Variants in AGBL4 observed in about 807,000 individuals in gnomAD.
AGBL4 encodes AGBL carboxypeptidase 4.
In AGBL4, 58 loss-of-function variants were observed where a neutral mutation model predicts 66.4. The ratio of observed to expected loss-of-function variants is 0.87; its 90% CI spans 0.71 to 1.09. The LOEUF (loss-of-function observed/expected upper bound fraction) is 1.09. Ranked by LOEUF, AGBL4 falls within the 50% of genes least tolerant of loss-of-function variation. The pLI, the probability that AGBL4 is intolerant of heterozygous loss-of-function variation, is 0.00. For missense variants in AGBL4, 579 were observed against 631.0 expected (o/e 0.92, Z 0.88); for synonymous variants, 234 against 222.9 (o/e 1.05, Z -0.44).
At chr1:48,744,973 CTTGATTGT>C (rs1650506661) in intron 6 of AGBL4, among the ~76,000 whole-genome samples, 1 of 143,504 alleles carries the variant, frequency 7.0e-6, no homozygotes, top group South Asian at 2.3e-4. Flanking sequence ...CTTTGTGAGG[CTTGATTGT>C]CATCACTCCC....
chr1:49,383,052 C>G (rs1401628564), intron 3 of AGBL4, among the ~76,000 whole-genome samples: 5 of 152,022 alleles, frequency 3.3e-5, no homozygotes, highest in Non-Finnish European at 5.9e-5. Flanking sequence ...TTTACAGTAG[C>G]AACATAAATA....
intron 1 of AGBL4, among the ~76,000 whole-genome samples, chr1:49,951,159 G>A (rs1366995644): frequency 6.6e-6 from 1 of 151,706 alleles, no homozygotes; most frequent in East Asian, 1.9e-4. Context: ...TGTACAGCAC[G>A]GTGACTATAG....
chr1:49,563,792 C>T (rs950070734), intron 3 of AGBL4, among the ~76,000 whole-genome samples: 3 of 151,818 alleles, frequency 2.0e-5, no homozygotes, highest in Non-Finnish European at 4.4e-5. Context: ...TGTCTTTGCC[C>T]GGCTTTGGTA....
chr1:48,839,324 C>T (rs942745827), intron 6 of AGBL4, among the ~76,000 whole-genome samples: 4 of 152,012 alleles, frequency 2.6e-5, no homozygotes, highest in Admixed American at 1.3e-4. Context: ...GGTGTGTGTG[C>T]ATATACATAA....
intron 3 of AGBL4, among the ~76,000 whole-genome samples, chr1:49,631,346 A>G (rs745962854): frequency 1.3e-5 from 2 of 152,130 alleles, no homozygotes; most frequent in Non-Finnish European, 2.9e-5. Flanking sequence ...GTCTCACTGG[A>G]TCTCACACTT....
chr1:48,922,308 T>C (rs959585561), intron 5 of AGBL4, among the ~76,000 whole-genome samples: 20 of 152,338 alleles, frequency 1.3e-4, no homozygotes, highest in South Asian at 2.1e-4. Context: ...ATAACGGCTT[T>C]GGCAACTGCA....
intron 4 of AGBL4, among the ~76,000 whole-genome samples, chr1:49,109,486 C>T (rs1645363422): frequency 6.6e-6 from 1 of 152,188 alleles, no homozygotes; most frequent in African/African-American, 2.4e-5. Flanking sequence ...TCACCTTCTC[C>T]GTCCTTCCTT....
intron 2 of AGBL4, among the ~76,000 whole-genome samples, chr1:49,839,645 G>T (rs1645939021): frequency 6.6e-6 from 1 of 152,164 alleles, no homozygotes; most frequent in African/African-American, 2.4e-5. Flanking sequence ...AGTGGAGCAT[G>T]GACCAGAGAG....
intron 4 of AGBL4, among the ~76,000 whole-genome samples, chr1:49,106,270 A>T (rs1645290642): frequency 6.6e-6 from 1 of 152,194 alleles, no homozygotes; most frequent in East Asian, 1.9e-4. Context: ...TAAATCACAC[A>T]TACATACCTC....
intron 5 of AGBL4, among the ~76,000 whole-genome samples, chr1:48,919,935 C>T (rs1346067542): frequency 6.6e-6 from 1 of 152,160 alleles, no homozygotes; most frequent in Non-Finnish European, 1.5e-5. Flanking sequence ...AGAAATCCTT[C>T]TTCTCTTGTG....
At chr1:48,873,873 G>A (rs1372171830) in intron 5 of AGBL4, among the ~76,000 whole-genome samples, 1 of 151,978 alleles carries the variant, frequency 6.6e-6, no homozygotes, top group East Asian at 1.9e-4. Flanking sequence ...TTCACTTTTC[G>A]TTTTGGTCAC....
intron 6 of AGBL4, among the ~76,000 whole-genome samples, chr1:48,802,185 C>T (rs933478248): frequency 6.6e-6 from 1 of 152,158 alleles, no homozygotes; most frequent in Non-Finnish European, 1.5e-5. Flanking sequence ...CTTTCTTGAA[C>T]ACACCATGCT....
chr1:49,842,272 C>A, intron 2 of AGBL4: 1 of 451,768 alleles, frequency 2.2e-6, no homozygotes, highest in Non-Finnish European at 4.3e-6. Context: ...TGGACGCCTT[C>A]AGGCTTCTGG....
rs191651188 is a variant in AGBL4, at chr1:49,063,814, G to A, written c.378-18014C>T. On this transcript the variant is annotated intron_variant, in intron 4 of 13. Coordinates refer to ENST00000371839, the MANE Select transcript of AGBL4 (RefSeq NM_032785.4). ...TTTCTGGAGGAAGACTGTTGCATGC[G>A]GAGGGAATAGCAAGTGCCATTGATG... is the stretch of plus-strand genomic sequence containing the variant. 2.7e-4 allele frequency among the ~76,000 whole-genome samples: 41 copies of A among 152,292 alleles called. 1 individual carries two copies. The highest frequency in any genetic ancestry group is 9.8e-4 in the Admixed American group (15 of 15,290).
intron 3 of AGBL4, among the ~76,000 whole-genome samples, chr1:49,283,993 C>A (rs1173110781): frequency 6.7e-6 from 1 of 148,702 alleles, no homozygotes; most frequent in Non-Finnish European, 1.5e-5. Flanking sequence ...GGCAGGCCAA[C>A]GTTCAGATTC....
At chr1:48,759,242 T>C in intron 6 of AGBL4, 1 of 1,587,864 alleles carries the variant, frequency 6.3e-7, no homozygotes, top group Non-Finnish European at 8.6e-7. Context: ...ACTGCCTCGA[T>C]GCTCTTGTGC....
intron 1 of AGBL4, among the ~76,000 whole-genome samples, chr1:49,953,803 C>A (rs1656360969): frequency 3.9e-5 from 6 of 151,900 alleles, no homozygotes. Context: ...CAACAGAGTG[C>A]TAAAATTGCT....
At chr1:48,693,378 G>A (rs1374940258) in intron 6 of AGBL4, among the ~76,000 whole-genome samples, 1 of 152,206 alleles carries the variant, frequency 6.6e-6, no homozygotes, top group African/African-American at 2.4e-5. Context: ...TTAACACGGT[G>A]GTGGATGAAC....
intron 2 of AGBL4, among the ~76,000 whole-genome samples, chr1:49,786,649 C>T (rs540922243): frequency 6.6e-6 from 1 of 152,092 alleles, no homozygotes; most frequent in Non-Finnish European, 1.5e-5. Context: ...TGTATCTTTA[C>T]CTAAGATGAT....
Sources: gnomAD v4.1 joint callset for allele counts (sites outside exome capture counted in the v4.1 genomes callset) on GRCh38, gnomAD v4.1.1 for gene constraint, MANE v1.5 for transcripts, NCBI Gene and HGNC (gene_info 2026-07-23, HGNC 2026-07-21) for gene names.